The following ASPH variants were observed in gnomAD, a reference collection of about 807,000 sequenced individuals.
ASPH encodes the protein aspartyl/asparaginyl beta-hydroxylase.
In ASPH, 100 loss-of-function variants were observed where a neutral mutation model predicts 118.4. That is an observed-to-expected ratio of 0.84 (90% CI 0.72 to 1.00). ASPH has a LOEUF of 1.00. ASPH is among the 50% of genes least tolerant of loss of function. The pLI is 0.00. For missense variants in ASPH, 920 were observed against 919.5 expected, an observed-to-expected ratio of 1.00 and a Z score of -0.01; for synonymous variants, 315 against 325.6, an observed-to-expected ratio of 0.97 and a Z score of 0.35.
intron 15 of ASPH, chr8:61,578,689 A>G (rs1836231590): frequency 6.2e-7 from 1 of 1,606,490 alleles, no homozygotes; most frequent in Non-Finnish European, 8.5e-7. Flanking sequence ...CTGGGCCAGG[A>G]GAAGCTGAAG....
At chr8:61,642,967 A>T (rs778711433) in intron 9 of ASPH, 47 bp from the exon 10 acceptor site, 3 of 1,482,104 alleles carry the variant, frequency 2.0e-6, no homozygotes, top group Non-Finnish European at 2.7e-6. Context: ...TAACTGAGTC[A>T]TTCTATACAA....
chr8:61,632,832 T>C (rs1856177056), intron 13 of ASPH, among the ~76,000 whole-genome samples: 1 of 152,216 alleles, frequency 6.6e-6, no homozygotes, highest in African/African-American at 2.4e-5. Context: ...CAATTAGTTC[T>C]ACCAAAATCA....
chr8:61,590,417 C>G (rs1840749429), intron 14 of ASPH, among the ~76,000 whole-genome samples: 1 of 152,150 alleles, frequency 6.6e-6, no homozygotes, highest in East Asian at 1.9e-4. Flanking sequence ...TGGCTCCCAT[C>G]TGCACCAGTG....
intron 16 of ASPH, among the ~76,000 whole-genome samples, chr8:61,572,977 CT>C (rs1298678595): frequency 6.6e-6 from 1 of 152,188 alleles, no homozygotes; most frequent in Non-Finnish European, 1.5e-5. Flanking sequence ...CGTCTCACCC[CT>C]AAAACTCCTT....
intron 10 of ASPH, among the ~76,000 whole-genome samples, chr8:61,641,305 C>T (rs1805013109): frequency 1.3e-5 from 2 of 152,116 alleles, no homozygotes; most frequent in Non-Finnish European, 2.9e-5. Context: ...CTTCAAATTG[C>T]ATTCCAAACA....
At position 61,641,031 on chromosome 8, in the gene ASPH, G is replaced by A. The variant is rs117001558; in HGVS notation, c.790+1857C>T. On this transcript the variant is annotated intron_variant, in intron 10 of 24. Coordinates refer to ENST00000379454, the MANE Select transcript of ASPH (RefSeq NM_004318.4). ...GCTCTGATTCCTGAATTTTCACAAA[G>A]GTATTGTTTTAGCATATAGTGAATA... 2.2e-4 allele frequency among the ~76,000 whole-genome samples: 34 copies of A among 152,244 alleles called. 1 individual carries two copies. The East Asian group carries it at 6.2e-3, about 28-fold the overall frequency.
chr8:61,665,427 C>G, intron 3 of ASPH: 1 of 1,604,288 alleles, frequency 6.2e-7, no homozygotes, highest in South Asian at 1.1e-5. Context: ...TCCACTTTCT[C>G]TTTTTCTCTG....
chr8:61,702,606 C>T (rs532504980), intron 1 of ASPH, among the ~76,000 whole-genome samples: 42 of 152,270 alleles, frequency 2.8e-4, no homozygotes, highest in African/African-American at 8.7e-4. Context: ...TACTTCTATA[C>T]AAACTATGCC....
Position 61,584,001 on chromosome 8 carries a change from A to G in ASPH, c.1005T>C (p.Asn335=). 1 of 1,574,768 alleles carries G rather than the reference A, an allele frequency of 6.4e-7. No homozygotes were observed. Among genetic ancestry groups the G allele is most frequent in the Non-Finnish European group, 8.6e-7 (1 of 1,158,544 alleles). ...CAGCTTTAATAGTCTTATCAAATTTATTTAAAAGTTTAGGCTTCTTTTTCT... is the reference window on the plus strand; with the variant it reads ...CAGCTTTAATAGTCTTATCAAATTTGTTTAAAAGTTTAGGCTTCTTTTTCT... ...KVKKKKPKLL[N]KFDKTIKAEL... Residue 335 remains asparagine (N), a synonymous_variant, in exon 15 of 25, where the codon AAT becomes AAC. Coordinates refer to ENST00000379454, the MANE Select transcript of ASPH (RefSeq NM_004318.4).
intron 21 of ASPH, 21 bp downstream of exon 21, chr8:61,548,050 T>A (rs1586880130): frequency 6.2e-7 from 1 of 1,602,650 alleles, no homozygotes; most frequent in Non-Finnish European, 8.5e-7. Flanking sequence ...CTGGTGAGGA[T>A]GATGTCTAAG....
At chr8:61,539,166 G>A (rs1174832477) in intron 21 of ASPH, among the ~76,000 whole-genome samples, 5 of 152,136 alleles carry the variant, frequency 3.3e-5, no homozygotes, top group African/African-American at 4.8e-5. Flanking sequence ...GCTTGAACCC[G>A]GAGGGCGGAG....
At chr8:61,578,877 G>A (rs748035120) in intron 15 of ASPH, 26 of 1,612,496 alleles carry the variant, frequency 1.6e-5, no homozygotes, top group Admixed American at 8.3e-5. Flanking sequence ...GCTGACTGAC[G>A]AGATCAACTT....
At position 61,544,649 on chromosome 8, in the gene ASPH, T is replaced by C. The variant is rs371418495; in HGVS notation, c.1764+3422A>G. The stretch of plus-strand genomic sequence containing the variant: ...CTTCTTATATGTAAGAAATGCTCAG[T>C]AGTAACATTTTTAAATCCCTGGAGC... On this transcript the variant is annotated intron_variant, in intron 21 of 24. Transcript: ENST00000379454. Among the ~76,000 whole-genome samples, 94 of 152,224 alleles carry C rather than the reference T, an allele frequency of 6.2e-4. 1 individual carries two copies. In the Middle Eastern group the frequency reaches 0.027, roughly 44 times the overall value.
chr8:61,515,190 T>G (rs1810437086), intron 24 of ASPH, among the ~76,000 whole-genome samples: 1 of 152,186 alleles, frequency 6.6e-6, no homozygotes, highest in Non-Finnish European at 1.5e-5. Context: ...CACTGCCTCA[T>G]GCTCTCATGT....
intron 24 of ASPH, among the ~76,000 whole-genome samples, chr8:61,514,782 T>A (rs1810257615): frequency 6.6e-6 from 1 of 152,036 alleles, no homozygotes; most frequent in African/African-American, 2.4e-5. Flanking sequence ...CTCAGGCTGG[T>A]CTTGAACTCC....
chr8:61,606,562 G>C (rs1845626662), intron 14 of ASPH: 1 of 152,100 alleles, frequency 6.6e-6, no homozygotes, highest in African/African-American at 2.4e-5. Flanking sequence ...AAAGGTTTCA[G>C]ATAAATAATA....
At chr8:61,558,580 G>C (rs1406341729) in intron 18 of ASPH, among the ~76,000 whole-genome samples, 1 of 152,154 alleles carries the variant, frequency 6.6e-6, no homozygotes, top group East Asian at 1.9e-4. Context: ...GATCTGCACG[G>C]TGGACAGCCA....
chr8:61,641,926 G>A (rs1038327405), intron 10 of ASPH, among the ~76,000 whole-genome samples: 6 of 152,088 alleles, frequency 3.9e-5, no homozygotes, highest in African/African-American at 1.4e-4. Flanking sequence ...GAGGATAATG[G>A]AATAAAAAGG....
chr8:61,688,535 T>C (rs1831469264), intron 1 of ASPH, among the ~76,000 whole-genome samples: 2 of 152,206 alleles, frequency 1.3e-5, no homozygotes, highest in Admixed American at 6.5e-5. Flanking sequence ...CACCAGCTAC[T>C]TCACTGGCCT....
Sources: gnomAD v4.1 joint callset for allele counts (sites outside exome capture counted in the v4.1 genomes callset) on GRCh38, gnomAD v4.1.1 for gene constraint, MANE v1.5 for transcripts, NCBI Gene and HGNC (gene_info 2026-07-23, HGNC 2026-07-21) for gene names.